USP34: variants seen among roughly 807,000 people sequenced by gnomAD.
USP34 encodes the protein ubiquitin specific peptidase 34, also known as ubiquitin carboxyl-terminal hydrolase 34.
USP34 carries 70 observed loss-of-function variants against 460.3 expected under a neutral mutation model. The ratio of observed to expected loss-of-function variants is 0.15; its 90% CI spans 0.13 to 0.19. The LOEUF (loss-of-function observed/expected upper bound fraction) is 0.19, where lower values mean the gene tolerates loss of function less well. Among genes scored for constraint, USP34 ranks in the 10% least tolerant of loss-of-function variants. USP34 has a pLI of 1.00. For synonymous variants in USP34, 1,647 were observed against 1,405.3 expected, an observed-to-expected ratio of 1.17 and a Z score of -3.85; for missense variants, 3,985 against 4,236.2, an observed-to-expected ratio of 0.94 and a Z score of 1.65.
At chr2:61,280,189 A>T (rs944133847) in intron 39 of USP34, 55 bp downstream of exon 39, 1 of 1,040,650 alleles carries the variant, frequency 9.6e-7, no homozygotes, top group South Asian at 1.8e-5. Context: ...ATATGTCATA[A>T]TTCATATTAA....
chr2:61,269,598 T>C (rs1435371785), intron 41 of USP34, among the ~76,000 whole-genome samples: 1 of 152,014 alleles, frequency 6.6e-6, no homozygotes, highest in Non-Finnish European at 1.5e-5. Flanking sequence ...ATTCACAAAT[T>C]TACAAATTTA....
chr2:61,189,283 GT>G (rs1488200078), intron 78 of USP34: 46 of 486,442 alleles, frequency 9.5e-5, no homozygotes, highest in East Asian at 2.0e-4. Context: ...TTTTGTTTTT[GT>G]TTTTTTTGAG....
intron 1 of USP34, among the ~76,000 whole-genome samples, chr2:61,426,245 G>C (rs1694508630): frequency 1.3e-5 from 2 of 152,116 alleles, no homozygotes; most frequent in South Asian, 4.1e-4. Context: ...TTGTCTTACA[G>C]CTTAGGTACC....
At chr2:61,319,384 T>G in intron 21 of USP34, 57 bp from the exon 22 acceptor site, 6 of 1,313,900 alleles carry the variant, frequency 4.6e-6, no homozygotes, top group Non-Finnish European at 6.0e-6. Context: ...AAATTAAACT[T>G]CTCTTAGGCA....
chr2:61,244,636 A>G (rs1318576926), intron 51 of USP34, among the ~76,000 whole-genome samples: 1 of 142,462 alleles, frequency 7.0e-6, no homozygotes, highest in Non-Finnish European at 1.6e-5. Flanking sequence ...AAAAAAAAAA[A>G]GTCTTTTCTC....
intron 18 of USP34, among the ~76,000 whole-genome samples, chr2:61,337,391 CCTTT>C (rs1173304267): frequency 4.7e-5 from 6 of 127,154 alleles, no homozygotes; most frequent in Non-Finnish European, 8.8e-5. Flanking sequence ...CCACAATTAT[CCTTT>C]CTACTTTTTT....
rs1410872784 is a variant in USP34, at chr2:61,216,470, A to G, written c.8048-1776T>C. Among the ~76,000 whole-genome samples, 10 of 151,796 alleles carry G rather than the reference A, an allele frequency of 6.6e-5. 1 individual carries two copies. In the East Asian group the frequency reaches 7.8e-4, roughly 12 times the overall value. ...AAAAAATTAGCCAGGCGTGGTGGTG[A>G]GCGCCTGTAGTCCCAGCTACTCGGG... On this transcript the variant is annotated intron_variant, in intron 67 of 79. Coordinates refer to ENST00000398571, the MANE Select transcript of USP34 (RefSeq NM_014709.4).
In USP34 at chr2:61,187,976, TCTA is replaced by T; in HGVS notation, c.*123_*125del. 1 of 1,461,820 alleles carries T rather than the reference TCTA, an allele frequency of 6.8e-7. No homozygotes were observed. The highest frequency in any genetic ancestry group is 9.0e-7 in the Non-Finnish European group (1 of 1,107,048). 90.6% of individuals were successfully genotyped at this position (1,461,820 alleles called of 1,614,324 possible). A position where few individuals can be genotyped will look rare whatever the true frequency, so the allele number is the denominator to read the frequency against. On this transcript the variant is annotated 3_prime_UTR_variant, in exon 80 of 80. Coordinates refer to ENST00000398571, the MANE Select transcript of USP34 (RefSeq NM_014709.4). ...CCTGACCAAGAATTAAGCCTATAAA[TCTA>T]TCTTGCCATTCAAGCAGAGAGCACT...
intron 18 of USP34, among the ~76,000 whole-genome samples, chr2:61,337,108 C>A (rs549264401): frequency 6.6e-6 from 1 of 152,196 alleles, no homozygotes; most frequent in East Asian, 1.9e-4. Context: ...ATCTATGTAA[C>A]CAGCAACCAA....
Position 61,451,220 on chromosome 2 carries a change from C to CAAAAAAAAAAAAAAA in USP34, c.43+19415_43+19429dup, listed in dbSNP as rs70963432. Among the ~76,000 whole-genome samples, 81 of 50,774 alleles carry CAAAAAAAAAAAAAAA rather than the reference C, an allele frequency of 1.6e-3. 1 individual carries two copies. Among genetic ancestry groups the CAAAAAAAAAAAAAAA allele is most frequent in the Non-Finnish European group, 1.9e-3 (51 of 26,776 alleles). The allele number at this position is 50,774 out of a possible 152,430, so 33.3% of individuals were successfully genotyped here. On this transcript the variant is annotated intron_variant, in intron 1 of 79. Coordinates refer to ENST00000398571, the MANE Select transcript of USP34 (RefSeq NM_014709.4). ...CAGGTGACAGTGTGAGGCTTCATCT[C>CAAAAAAAAAAAAAAA]AAAAAAAAAAAAAAAAAAAAAAAAA...
Position 61,470,687 on chromosome 2 carries a change from G to A in USP34, c.6C>T (p.Cys2=). M[C]ENCADLVEVL... is the part of the protein sequence containing the mutation. ...CCTCCACCAGGTCTGCGCAGTTCTC[G>A]CACATCGTTCGGCCGCCGCCCCCCC... Residue 2 remains cysteine, a synonymous_variant, in exon 1 of 80, where the codon TGC becomes TGT. Coordinates refer to ENST00000398571, the MANE Select transcript of USP34 (RefSeq NM_014709.4). The A allele has an allele frequency of 2.5e-6, 4 of 1,592,448 alleles. No homozygotes were observed. The highest frequency in any genetic ancestry group is 2.2e-5 in the South Asian group (2 of 89,292).
chr2:61,444,598 G>A (rs535223651), intron 1 of USP34, among the ~76,000 whole-genome samples: 14 of 152,176 alleles, frequency 9.2e-5, no homozygotes, highest in South Asian at 2.1e-4. Flanking sequence ...AATCAGATGC[G>A]GACTTGTCAT....
At chr2:61,377,690 C>T (rs1692837164) in intron 8 of USP34, among the ~76,000 whole-genome samples, 1 of 152,164 alleles carries the variant, frequency 6.6e-6, no homozygotes, top group South Asian at 2.1e-4. Context: ...TTCCAGCCTC[C>T]AGAACTATGG....
At chr2:61,262,002 A>G (rs1688894013) in intron 43 of USP34, among the ~76,000 whole-genome samples, 1 of 150,064 alleles carries the variant, frequency 6.7e-6, no homozygotes. Context: ...GAGGCAGGAG[A>G]ACTGCCGGAA....
intron 8 of USP34, among the ~76,000 whole-genome samples, chr2:61,376,712 C>T (rs1692808500): frequency 1.4e-5 from 2 of 146,892 alleles, no homozygotes; most frequent in African/African-American, 5.0e-5. Context: ...AAAATGGCAC[C>T]ATCTCGGGTC....
chr2:61,276,524 C>A (rs185241102), intron 41 of USP34, among the ~76,000 whole-genome samples: 1 of 152,234 alleles, frequency 6.6e-6, no homozygotes, highest in East Asian at 1.9e-4. Context: ...TCCTGGAAGG[C>A]CATCACCATA....
intron 49 of USP34, 25 bp downstream of exon 49, chr2:61,248,486 C>A: frequency 6.6e-7 from 1 of 1,526,016 alleles, no homozygotes; most frequent in Non-Finnish European, 8.8e-7. Flanking sequence ...TAATCACAGA[C>A]AAGAGAAAGA....
chr2:61,267,426 T>C (rs954168741), intron 41 of USP34, among the ~76,000 whole-genome samples: 7 of 151,982 alleles, frequency 4.6e-5, no homozygotes, highest in African/African-American at 1.4e-4. Context: ...CTAGGAAATA[T>C]GGAAAGTGGT....
At chr2:61,199,592 G>C (rs553415570) in intron 75 of USP34, among the ~76,000 whole-genome samples, 8 of 152,200 alleles carry the variant, frequency 5.3e-5, no homozygotes, top group African/African-American at 1.9e-4. Context: ...TATTAATTTT[G>C]GTCTAAAGAG....
Sources: gnomAD v4.1 joint callset for allele counts (sites outside exome capture counted in the v4.1 genomes callset) on GRCh38, gnomAD v4.1.1 for gene constraint, MANE v1.5 for transcripts, NCBI Gene and HGNC (gene_info 2026-07-23, HGNC 2026-07-21) for gene names.